Variants in MTRR observed in about 807,000 individuals in gnomAD.
MTRR encodes 5-methyltetrahydrofolate-homocysteine methyltransferase reductase.
A neutral mutation model predicts 79.2 loss-of-function variants in MTRR; 63 were observed. That is an observed-to-expected ratio of 0.80 (90% CI 0.65 to 0.98). The LOEUF (loss-of-function observed/expected upper bound fraction) is 0.98. Among genes scored for constraint, MTRR ranks in the 50% least tolerant of loss-of-function variants. The pLI is 0.00. For missense variants in MTRR, 895 were observed against 839.6 expected, an observed-to-expected ratio of 1.07 and a Z score of -0.82; for synonymous variants, 355 against 313.3, an observed-to-expected ratio of 1.13 and a Z score of -1.41.
chr5:7,885,877 G>T, intron 7 of MTRR, 23 bp downstream of exon 7: 1 of 1,613,906 alleles, frequency 6.2e-7, no homozygotes, highest in Non-Finnish European at 8.5e-7. Flanking sequence ...ATGCTGTGAC[G>T]TTGGGGTGTT....
chr5:7,898,148 A>T (rs1738847969), intron 14 of MTRR, among the ~76,000 whole-genome samples: 1 of 152,236 alleles, frequency 6.6e-6, no homozygotes, highest in Non-Finnish European at 1.5e-5. Flanking sequence ...CTAATTGAAA[A>T]ACATTGCTTT....
rs142819071 is a variant in MTRR, at chr5:7,884,075, G to A, written c.903+798G>A. ...GCTACTTGGGAGGCTGAGGTGGGAG[G>A]ACTGCTTGAGCCTGGGAGGTTGAGA... On this transcript the variant is annotated intron_variant, in intron 6 of 14. Transcript: ENST00000440940. Among the ~76,000 whole-genome samples, 771 of 152,278 alleles carry A rather than the reference G, an allele frequency of 5.1e-3. 6 individuals carry two copies. The highest frequency in any genetic ancestry group is 0.017 in the African/African-American group (720 of 41,560).
upstream of MTRR, chr5:7,867,398 T>C (rs1440139485): frequency 1.9e-6 from 3 of 1,614,114 alleles, no homozygotes; most frequent in African/African-American, 2.7e-5. Context: ...ACCTGAACTG[T>C]GCAGTGTAAT....
intron 3 of MTRR, among the ~76,000 whole-genome samples, chr5:7,874,515 C>G (rs1004978401): frequency 6.7e-6 from 1 of 149,548 alleles, no homozygotes; most frequent in Non-Finnish European, 1.5e-5. Flanking sequence ...TAGGCCTAAG[C>G]GTGGAACCAC....
intron 1 of MTRR, among the ~76,000 whole-genome samples, chr5:7,853,265 T>C (rs1278454048): frequency 4.6e-5 from 7 of 152,204 alleles, no homozygotes; most frequent in Non-Finnish European, 4.4e-5. Context: ...TCCTCCCCTT[T>C]TGTTCAGTGC....
intron 7 of MTRR, 50 bp downstream of exon 7, chr5:7,885,904 G>A (rs757785388): frequency 6.2e-7 from 1 of 1,611,668 alleles, no homozygotes. Context: ...CAGTGGACTG[G>A]AGCTGATGGT....
chr5:7,877,809 G>T, intron 4 of MTRR, 135 bp from the exon 5 acceptor site: 1 of 1,178,334 alleles, frequency 8.5e-7, no homozygotes, highest in Admixed American at 1.8e-5. Context: ...AGTATTTTTT[G>T]TATTCCGAAT....
chr5:7,880,455 C>G (rs772744384), intron 5 of MTRR, among the ~76,000 whole-genome samples: 3 of 152,216 alleles, frequency 2.0e-5, no homozygotes, highest in Non-Finnish European at 4.4e-5. Context: ...CCAGCTTGCA[C>G]GGAGGTTACA....
At position 7,887,455 on chromosome 5, in the gene MTRR, G is replaced by A. The variant is rs544364801; in HGVS notation, c.1146+752G>A. On this transcript the variant is annotated intron_variant, in intron 8 of 14. Coordinates refer to ENST00000440940, the MANE Select transcript of MTRR (RefSeq NM_002454.3). ...CCGCCATCTCCCCAGTGTGGTTTTC[G>A]TGTCGTTTTATTAATGTGTTTATTG... 2.6e-5 allele frequency among the ~76,000 whole-genome samples: 4 copies of A among 151,346 alleles called. No homozygotes were observed. In the South Asian group the frequency reaches 6.3e-4, roughly 24 times the overall value.
chr5:7,899,840 T>TA (rs1214989701), intron 14 of MTRR, 74 bp from the exon 15 acceptor site: 5 of 1,564,466 alleles, frequency 3.2e-6, no homozygotes, highest in Non-Finnish European at 4.4e-6. Context: ...CAAAAGGAAT[T>TA]AGACTTGTGA....
chr5:7,892,488 T>C (rs1737772525), intron 10 of MTRR, among the ~76,000 whole-genome samples: 1 of 152,196 alleles, frequency 6.6e-6, no homozygotes, highest in Admixed American at 6.5e-5. Flanking sequence ...AAATATCATC[T>C]AGTCCTAGTG....
intron 11 of MTRR, 48 bp downstream of exon 11, chr5:7,892,961 G>C: frequency 6.4e-7 from 1 of 1,563,146 alleles, no homozygotes; most frequent in Non-Finnish European, 8.7e-7. Flanking sequence ...CATACTCTTT[G>C]TTTCATTAGA....
chr5:7,884,275 C>CA (rs1736053022), intron 6 of MTRR, among the ~76,000 whole-genome samples: 1 of 152,128 alleles, frequency 6.6e-6, no homozygotes. Context: ...TGGACTCTCC[C>CA]AAAAAATGAT....
At chr5:7,890,683 A>G (rs1432704794) in intron 9 of MTRR, among the ~76,000 whole-genome samples, 1 of 152,174 alleles carries the variant, frequency 6.6e-6, no homozygotes, top group Non-Finnish European at 1.5e-5. Context: ...GCCATTATAC[A>G]TAGACCTTTT....
At position 7,860,928 on chromosome 5, in the gene MTRR, G is replaced by C. The variant is rs544506270; in HGVS notation, n.392-1023G>C. Among the ~76,000 whole-genome samples, 5 of 152,198 alleles carry C rather than the reference G, an allele frequency of 3.3e-5. No individual in the cohort carries two copies. The East Asian group carries it at 9.6e-4, about 29-fold the overall frequency. On this transcript the variant is annotated intron_variant and non_coding_transcript_variant, in intron 1 of 3. Transcript: ENST00000502509. ...CAGCAAGAATATGTAACTGTAACCA[G>C]TCAAGTAGATTCTTTGTGTACTTGT...
chr5:7,899,517 C>T (rs1475254350), intron 14 of MTRR, among the ~76,000 whole-genome samples: 1 of 152,112 alleles, frequency 6.6e-6, no homozygotes, highest in Non-Finnish European at 1.5e-5. Flanking sequence ...TAGAAGTGTG[C>T]GAGAGATCTG....
intron 8 of MTRR, among the ~76,000 whole-genome samples, chr5:7,887,283 TA>T: frequency 6.7e-6 from 1 of 148,680 alleles, no homozygotes; most frequent in Non-Finnish European, 1.5e-5. Flanking sequence ...TAGATGTCAG[TA>T]TTGTACCAGG....
chr5:7,873,773 A>G (rs1748411907), intron 3 of MTRR, among the ~76,000 whole-genome samples: 1 of 152,228 alleles, frequency 6.6e-6, no homozygotes, highest in South Asian at 2.1e-4. Flanking sequence ...CCTCAGATGC[A>G]GCCATGAAAC....
intron 2 of MTRR, among the ~76,000 whole-genome samples, chr5:7,862,553 A>G (rs11749024): frequency 0.015 from 2,267 of 152,184 alleles, 29 homozygotes; most frequent in Non-Finnish European, 0.024. Context: ...TTTGAGGTCA[A>G]TATTACTATC....
Sources: gnomAD v4.1 joint callset for allele counts (sites outside exome capture counted in the v4.1 genomes callset) on GRCh38, gnomAD v4.1.1 for gene constraint, MANE v1.5 for transcripts, NCBI Gene and HGNC (gene_info 2026-07-23, HGNC 2026-07-21) for gene names.